Variants in STRN4 observed in about 807,000 individuals in gnomAD.
STRN4 encodes striatin 4, also known as striatin-4.
In STRN4, 27 loss-of-function variants were observed where a neutral mutation model predicts 77.9. That is an observed-to-expected ratio of 0.35 (90% confidence interval 0.26 to 0.48). The LOEUF (loss-of-function observed/expected upper bound fraction) is 0.48, where lower values mean the gene tolerates loss of function less well. Among genes scored for constraint, STRN4 ranks in the 20% least tolerant of loss-of-function variants. STRN4 has a pLI of 0.99. For missense variants in STRN4, 798 were observed against 1,049.7 expected (o/e 0.76, Z 3.31); for synonymous variants, 466 against 443.1 (o/e 1.05, Z -0.65).
chr19:46,731,060 A>C, intron 5 of STRN4, 187 bp from the exon 6 acceptor site: 1 of 796,290 alleles, frequency 1.3e-6, no homozygotes, highest in South Asian at 1.9e-5. Flanking sequence ...TGCTCATTCC[A>C]ACTGGAAGCC....
At chr19:46,729,568 G>A (rs551436717) in intron 6 of STRN4, among the ~76,000 whole-genome samples, 1 of 152,338 alleles carries the variant, frequency 6.6e-6, no homozygotes, top group South Asian at 2.1e-4. Context: ...ATGGGGAAGG[G>A]GAGGGTTTAG....
rs1351862786 is a variant in STRN4 at position 46,741,524 on chromosome 19, G to C, written c.283-2636C>G. ...GTCAGTGGCCAGTCTCTCCCTCGCTGCAAACGCCAGCAGCCCCCACGGGCT... is the reference window on the plus strand; with the variant it reads ...GTCAGTGGCCAGTCTCTCCCTCGCTCCAAACGCCAGCAGCCCCCACGGGCT... On this transcript the variant is annotated intron_variant, in intron 1 of 17. Coordinates refer to ENST00000263280, the MANE Select transcript of STRN4 (RefSeq NM_013403.3). This position sits in a 1 kb window ranked among gnomAD's most constrained non-coding sequence, Gnocchi z 4.9. Among the ~76,000 whole-genome samples the C allele has an allele frequency of 6.6e-6, 1 of 152,214 alleles. No homozygotes were observed. Among genetic ancestry groups the C allele is most frequent in the African/African-American group, 2.4e-5 (1 of 41,460 alleles).
chr19:46,720,258 A>C lies in STRN4; in HGVS notation c.*147T>G. ...AGCCGTTGGGGAGGGATTCCTGGGG[A>C]AAGGGCCGTTAGCACCACCAGGCTC... On this transcript the variant is annotated 3_prime_UTR_variant, in exon 18 of 18. Coordinates refer to ENST00000263280, the MANE Select transcript of STRN4 (RefSeq NM_013403.3). The C allele has an allele frequency of 4.8e-6, 1 of 208,396 alleles. No homozygotes were observed. Among genetic ancestry groups the C allele is most frequent in the Non-Finnish European group, 9.5e-6 (1 of 104,778 alleles). The allele number at this position is 208,396 out of a possible 1,614,324, so 12.9% of individuals were successfully genotyped here.
At chr19:46,720,958 G>A (rs2053962746) in intron 16 of STRN4, 187 bp from the exon 17 acceptor site, 1 of 529,748 alleles carries the variant, frequency 1.9e-6, no homozygotes, top group Non-Finnish European at 3.0e-6. Context: ...CCTGTCCACA[G>A]TCCATCTCAT....
chr19:46,743,454 T>C (rs1286374109), intron 1 of STRN4, among the ~76,000 whole-genome samples: 1 of 152,242 alleles, frequency 6.6e-6, no homozygotes, highest in Non-Finnish European at 1.5e-5. Flanking sequence ...TGGTGGGTGC[T>C]GTGCGGTGCA....
chr19:46,744,526 GGC>G (rs1367846960), intron 1 of STRN4, among the ~76,000 whole-genome samples: 4 of 152,050 alleles, frequency 2.6e-5, no homozygotes, highest in African/African-American at 9.7e-5. Context: ...TGGGACTACA[GGC>G]GCATGTCACC....
In STRN4 at chr19:46,741,475, G is replaced by A. The variant is rs933021878; in HGVS notation, c.283-2587C>T. On this transcript the variant is annotated intron_variant, in intron 1 of 17. Coordinates refer to ENST00000263280, the MANE Select transcript of STRN4 (RefSeq NM_013403.3). The surrounding 1 kb of genome is among the most constrained non-coding windows in gnomAD (Gnocchi z 4.9). ...CATGGTTGGAGCATCTCAGGGAGGTGGAAACCCACCAAAAACGGGAAGCGT... is the reference window on the plus strand; with the variant it reads ...CATGGTTGGAGCATCTCAGGGAGGTAGAAACCCACCAAAAACGGGAAGCGT... 3.9e-5 allele frequency among the ~76,000 whole-genome samples: 6 copies of A among 152,196 alleles called. No individual in the cohort carries two copies. The highest frequency in any genetic ancestry group is 1.3e-4 in the Admixed American group (2 of 15,282).
chr19:46,726,669 C>T (rs1258268261), intron 9 of STRN4, among the ~76,000 whole-genome samples: 2 of 152,066 alleles, frequency 1.3e-5, no homozygotes, highest in Admixed American at 6.5e-5. Context: ...GCAGGGGACC[C>T]GGAGAGGGCC....
In STRN4 at chr19:46,723,121, T is replaced by G. The variant is rs928265577; in HGVS notation, c.1758A>C (p.Thr586=). The change falls in exon 13 of 18, where the codon ACA becomes ACC. Residue 586 remains threonine, a synonymous_variant. Transcript: ENST00000263280. This position sits in a 1 kb window ranked among gnomAD's most constrained non-coding sequence, Gnocchi z 5.5. ...ACCGGGGCCCCCACTCACCGCTGGC[T>G]GTGGGGAAGGTGCAGAGGCAGGCCG... ...SSPACLCTFP[T]ASEHGVPTSV... is the part of the protein sequence containing the mutation. The G allele has an allele frequency of 1.1e-5, 18 of 1,565,884 alleles. No individual in the cohort carries two copies. The highest frequency in any genetic ancestry group is 1.5e-5 in the Non-Finnish European group (17 of 1,155,926).
rs2291815 is a variant in STRN4, at chr19:46,725,264, A to T, written c.1472+68T>A. 6,978 of 1,608,422 alleles carry T rather than the reference A, an allele frequency of 4.3e-3. 152 individuals are homozygous for T. The East Asian group carries it at 0.051, about 12-fold the overall frequency. On this transcript the variant is annotated intron_variant, in intron 11 of 17. Transcript: ENST00000263280. ...CCTGCCGTGGGCCTCCCGCGATGGC[A>T]GTGAGCAGGTCAGGAGTCAGGCTGC... is the stretch of plus-strand genomic sequence containing the variant.
At chr19:46,722,436 C>G in intron 14 of STRN4, 96 bp from the exon 15 acceptor site, 1 of 1,286,930 alleles carries the variant, frequency 7.8e-7, no homozygotes, top group Non-Finnish European at 1.1e-6. Flanking sequence ...CCTACACCAG[C>G]CTCTGCCTGG....
At position 46,727,969 on chromosome 19, in the gene STRN4, G is replaced by A; in HGVS notation, c.1078C>T (p.Leu360=). The A allele has an allele frequency of 6.2e-7, 1 of 1,614,020 alleles. No homozygotes were observed. Among genetic ancestry groups the A allele is most frequent in the Non-Finnish European group, 8.5e-7 (1 of 1,179,946 alleles). ...GGGGGCAGCCCATCCACATCCCGCAGGTCAGCCAGAATGCCTTGGAGTTTG... is the reference window on the plus strand; with the variant it reads ...GGGGGCAGCCCATCCACATCCCGCAAGTCAGCCAGAATGCCTTGGAGTTTG... ...RVKLQGILAD[L]RDVDGLPPKV... is the part of the protein sequence containing the mutation. The change falls in exon 8 of 18, where the codon CTG becomes TTG. Residue 360 remains leucine, a synonymous_variant. Transcript: ENST00000263280.
At chr19:46,732,905 C>G (rs934689398) in intron 5 of STRN4, 134 bp downstream of exon 5, 5 of 1,078,092 alleles carry the variant, frequency 4.6e-6, no homozygotes, top group Non-Finnish European at 6.5e-6. Context: ...GGTTTCAGAA[C>G]AAGGGAGCCC....
chr19:46,744,699 TC>T (rs1293218786), intron 1 of STRN4, among the ~76,000 whole-genome samples: 4 of 151,904 alleles, frequency 2.6e-5, no homozygotes, highest in Middle Eastern at 6.8e-3. Context: ...CCGACACAAT[TC>T]TCATCAGCTA....
rs1568397589 is a variant in STRN4 at position 46,730,887 on chromosome 19, CAGAGCAGAGG to C, written c.738-24_738-15del. On this transcript the variant is annotated splice_polypyrimidine_tract_variant and intron_variant, in intron 5 of 17. Coordinates refer to ENST00000263280, the MANE Select transcript of STRN4 (RefSeq NM_013403.3). Reference sequence around the variant, plus strand: ...CCTGCCGCGTTCCTGCCAAAGACAGCAGAGCAGAGGAGGCATGAGTCCTGGCAGGTGTCAA... The same window carrying C: ...CCTGCCGCGTTCCTGCCAAAGACAGCAGGCATGAGTCCTGGCAGGTGTCAA... The C allele has an allele frequency of 6.2e-7, 1 of 1,609,256 alleles. No homozygotes were observed. The highest frequency in any genetic ancestry group is 1.1e-5 in the South Asian group (1 of 91,082).
rs150156260 is a variant in STRN4, at chr19:46,737,251, G to A, written c.461-350C>T. Among the ~76,000 whole-genome samples, 404 of 152,338 alleles carry A rather than the reference G, an allele frequency of 2.7e-3. 3 individuals carry two copies. Among genetic ancestry groups the A allele is most frequent in the Non-Finnish European group, 4.6e-3 (315 of 68,018 alleles). ...GTGTGACCCTGAGTTAGTGTAAGCC[G>A]TGTCAGTTTCGTCCTCTGAGAAATG... On this transcript the variant is annotated intron_variant, in intron 3 of 17. Transcript: ENST00000263280.
chr19:46,724,317 C>CTGG (rs1217598487), intron 12 of STRN4, among the ~76,000 whole-genome samples: 1 of 147,882 alleles, frequency 6.8e-6, no homozygotes. Flanking sequence ...AAGTGACAGT[C>CTGG]TGGTCACTTC....
rs149072650 is a variant in STRN4 at position 46,741,215 on chromosome 19, C to A, written c.283-2327G>T. On this transcript the variant is annotated intron_variant, in intron 1 of 17. Coordinates refer to ENST00000263280, the MANE Select transcript of STRN4 (RefSeq NM_013403.3). The surrounding 1 kb of genome is among the most constrained non-coding windows in gnomAD (Gnocchi z 4.9). ...CAGTCCCAGAAATCCCAGGACAGAA[C>A]GGTAGTGGCTTGGACTAGGCCGGGG... Among the ~76,000 whole-genome samples, 1 of 152,218 alleles carries A rather than the reference C, an allele frequency of 6.6e-6. No homozygotes were observed. The highest frequency in any genetic ancestry group is 1.9e-4 in the East Asian group (1 of 5,162).
At position 46,738,603 on chromosome 19, in the gene STRN4, G is replaced by A. The variant is rs1299737042; in HGVS notation, c.386+182C>T. Among the ~76,000 whole-genome samples, 1 of 152,182 alleles carries A rather than the reference G, an allele frequency of 6.6e-6. No individual in the cohort carries two copies. Among genetic ancestry groups the A allele is most frequent in the Non-Finnish European group, 1.5e-5 (1 of 68,020 alleles). On this transcript the variant is annotated intron_variant, in intron 2 of 17. Transcript: ENST00000263280. This position sits in a 1 kb window ranked among gnomAD's most constrained non-coding sequence, Gnocchi z 4.5. ...TAGCATCGTGAATATCGTTCCTGGT[G>A]TCTAACCCAAATCCCACCTACTCTG...
Sources: gnomAD v4.1 joint callset for allele counts (sites outside exome capture counted in the v4.1 genomes callset) on GRCh38, gnomAD v4.1.1 for gene constraint, Gnocchi (gnomAD v3.1) non-coding constraint, MANE v1.5 for transcripts, NCBI Gene and HGNC (gene_info 2026-07-23, HGNC 2026-07-21) for gene names.